Variants in CAMSAP2 observed in about 807,000 individuals in gnomAD.
The protein encoded by CAMSAP2 is calmodulin-regulated spectrin-associated protein 2.
A neutral mutation model predicts 146.1 loss-of-function variants in CAMSAP2; 26 were observed. The observed-to-expected ratio is 0.18, with a 90% CI of 0.13 to 0.25. The LOEUF (loss-of-function observed/expected upper bound fraction) is 0.25, where lower values mean the gene tolerates loss of function less well. Among genes scored for constraint, CAMSAP2 ranks in the 10% least tolerant of loss-of-function variants. The pLI is 1.00. For missense variants in CAMSAP2, 1,381 were observed against 1,759.3 expected (o/e 0.78, Z 3.85); for synonymous variants, 499 against 596.6 (o/e 0.84, Z 2.38).
chr1:200,787,864 C>T (rs567205385), intron 2 of CAMSAP2, among the ~76,000 whole-genome samples: 14 of 152,160 alleles, frequency 9.2e-5, no homozygotes, highest in South Asian at 2.1e-4. Flanking sequence ...AGACCCTCCA[C>T]CATCAAAAAT....
Position 200,857,974 on chromosome 1 carries a change from G to A in CAMSAP2, c.4352G>A (p.Ser1451Asn). The A allele has an allele frequency of 6.2e-7, 1 of 1,613,808 alleles. No individual in the cohort carries two copies. Among genetic ancestry groups the A allele is most frequent in the African/African-American group, 1.3e-5 (1 of 75,050 alleles). ...SHIPAKTLSA[S>N]VDAITIHSHL... is the part of the protein sequence containing the mutation. The stretch of plus-strand genomic sequence containing the variant: ...ATACCCGCTAAAACTTTATCTGCCA[G>A]TGTTGATGCAATTACCATTCATAGC... The change falls in exon 17 of 17, where the codon AGT becomes AAT. Residue 1451 changes from serine (S) to asparagine (N), a missense_variant. This residue lies in a region of CAMSAP2 where 90 missense variants were observed against 174.4 expected (regional missense o/e 0.52). Transcript: ENST00000358823. This position sits in a 1 kb window ranked among gnomAD's most constrained non-coding sequence, Gnocchi z 4.7.
At chr1:200,844,669 A>G (rs1667415331) in intron 7 of CAMSAP2, 113 bp from the exon 8 acceptor site, 1 of 501,836 alleles carries the variant, frequency 2.0e-6, no homozygotes, top group Non-Finnish European at 3.5e-6. Flanking sequence ...ATGATTTCTC[A>G]ATACGTAGAA....
chr1:200,832,765 C>A lies in CAMSAP2; in HGVS notation c.847C>A (p.Gln283Lys), dbSNP rs762578855. The change falls in exon 6 of 17, where the codon CAA becomes AAA. Residue 283 changes from glutamine to lysine, a missense_variant. Gln to Lys is a moderately conservative substitution (Grantham distance 53). Transcript: ENST00000358823. The surrounding 1 kb of genome is among the most constrained non-coding windows in gnomAD (Gnocchi z 4.2). ...TAGCCTGTATAATCTGCAGCTGATT[C>A]AAGAATTTTGCCAAGAATACTTGAA... Reference protein sequence around the residue: ...ADSLYNLQLIQEFCQEYLNQC... With the variant: ...ADSLYNLQLIKEFCQEYLNQC... 3 of 1,611,040 alleles carry A rather than the reference C, an allele frequency of 1.9e-6. No individual in the cohort carries two copies. In the African/African-American group the frequency reaches 4.0e-5, roughly 22 times the overall value.
chr1:200,778,140 A>G (rs973388497), intron 2 of CAMSAP2, among the ~76,000 whole-genome samples: 1 of 152,232 alleles, frequency 6.6e-6, no homozygotes, highest in Non-Finnish European at 1.5e-5. Flanking sequence ...AACTCCACAA[A>G]GAGGGGGCCA....
rs779203569 is a variant in CAMSAP2 at position 200,853,478 on chromosome 1, C to A, written c.3806C>A (p.Pro1269Gln). The A allele has an allele frequency of 3.7e-6, 6 of 1,611,906 alleles. No individual in the cohort carries two copies. In the East Asian group the frequency reaches 8.9e-5, roughly 24 times the overall value. Reference protein sequence around the residue: ...HRDHIESPKTPIKGPPVSSLS... With the variant: ...HRDHIESPKTQIKGPPVSSLS... ...GATCATATTGAATCCCCCAAAACAC[C>A]AATAAAGGGTCCTCCAGGTAACATA... Residue 1269 changes from proline (P) to glutamine (Q), a missense_variant, in exon 13 of 17, where the codon CCA (proline) becomes CAA (glutamine). Pro to Gln is a moderately conservative substitution (Grantham distance 76, BLOSUM62 -1). Around this residue, in one of 4 missense-constraint regions of CAMSAP2, gnomAD observed 560 missense variants for 715.9 expected, o/e 0.78. Coordinates refer to ENST00000358823, the MANE Select transcript of CAMSAP2 (RefSeq NM_203459.4). The surrounding 1 kb of genome is among the most constrained non-coding windows in gnomAD (Gnocchi z 5.1).
intron 8 of CAMSAP2, among the ~76,000 whole-genome samples, chr1:200,845,884 CATATT>C (rs1667449075): frequency 6.6e-6 from 1 of 152,086 alleles, no homozygotes; most frequent in South Asian, 2.1e-4. Flanking sequence ...AATGTCCTAT[CATATT>C]AATACCTAGA....
chr1:200,760,571 G>A (rs1664772822), intron 1 of CAMSAP2, among the ~76,000 whole-genome samples: 1 of 152,154 alleles, frequency 6.6e-6, no homozygotes, highest in Non-Finnish European at 1.5e-5. Flanking sequence ...TTTCCCAAGA[G>A]CCACTAGACT....
chr1:200,760,397 T>C (rs1664767815), intron 1 of CAMSAP2, among the ~76,000 whole-genome samples: 1 of 152,210 alleles, frequency 6.6e-6, no homozygotes, highest in Admixed American at 6.5e-5. Context: ...GCTGTAAAAC[T>C]GGGCAGATGA....
chr1:200,848,031 G>T lies in CAMSAP2; in HGVS notation c.1263-1G>T. 1 of 1,485,084 alleles carries T rather than the reference G, an allele frequency of 6.7e-7. No homozygotes were observed. The highest frequency in any genetic ancestry group is 1.5e-5 in the South Asian group (1 of 66,792). The allele number at this position is 1,485,084 out of a possible 1,614,324, so 92.0% of individuals were successfully genotyped here. On this transcript the variant is annotated splice_acceptor_variant, in intron 10 of 16. Coordinates refer to ENST00000358823, the MANE Select transcript of CAMSAP2 (RefSeq NM_203459.4). LOFTEE classifies it high-confidence loss of function. Reference sequence around the variant, plus strand: ...GATTTTTCTCTTTAACTTTTTTTTAGATCATCAGTGCATGGCGTATCATTT... The same window carrying T: ...GATTTTTCTCTTTAACTTTTTTTTATATCATCAGTGCATGGCGTATCATTT...
In CAMSAP2 at chr1:200,849,546, C is replaced by T; in HGVS notation, c.2777C>T (p.Pro926Leu). 6.2e-7 allele frequency: 1 copy of T among 1,614,180 alleles called. No individual in the cohort carries two copies. The highest frequency in any genetic ancestry group is 8.5e-7 in the Non-Finnish European group (1 of 1,180,032). ...GTGATTTCACCTCCACAACCCTCTCCACAGAAACAGATTCGAGATTTTAAG... is the reference window on the plus strand; with the variant it reads ...GTGATTTCACCTCCACAACCCTCTCTACAGAAACAGATTCGAGATTTTAAG... ...SWVISPPQPS[P>L]QKQIRDFKPS... The change falls in exon 11 of 17, where the codon CCA becomes CTA. Residue 926 changes from proline to leucine, a missense_variant. By Grantham distance (98) the Pro-to-Leu change is moderately conservative (BLOSUM62 -3). This residue lies in a region of CAMSAP2 where 560 missense variants were observed against 715.9 expected (regional missense o/e 0.78). Coordinates refer to ENST00000358823, the MANE Select transcript of CAMSAP2 (RefSeq NM_203459.4). The surrounding 1 kb of genome is among the most constrained non-coding windows in gnomAD (Gnocchi z 6.3).
At chr1:200,850,350 C>A (rs953153869) in intron 11 of CAMSAP2, 116 bp downstream of exon 11, 1 of 831,888 alleles carries the variant, frequency 1.2e-6, no homozygotes, top group Non-Finnish European at 1.8e-6. Flanking sequence ...CCTTTTGATA[C>A]AAGTTCATCC....
At chr1:200,781,363 G>C (rs1489042512) in intron 2 of CAMSAP2, among the ~76,000 whole-genome samples, 2 of 152,124 alleles carry the variant, frequency 1.3e-5, no homozygotes, top group Admixed American at 6.5e-5. Context: ...GTTGAGTGGT[G>C]GTGGACAGGC....
intron 2 of CAMSAP2, among the ~76,000 whole-genome samples, chr1:200,784,170 G>C (rs1325440968): frequency 6.6e-6 from 1 of 152,028 alleles, no homozygotes; most frequent in African/African-American, 2.4e-5. Context: ...ACACAGTCTT[G>C]ACTAATGTAG....
chr1:200,741,840 T>C (rs1664186880), intron 1 of CAMSAP2, among the ~76,000 whole-genome samples: 1 of 152,230 alleles, frequency 6.6e-6, no homozygotes. Flanking sequence ...AGTTGTACGT[T>C]AGAGATTGAT....
chr1:200,807,122 CAAG>C (rs1182897031), intron 2 of CAMSAP2, among the ~76,000 whole-genome samples: 3 of 151,958 alleles, frequency 2.0e-5, no homozygotes, highest in Middle Eastern at 3.2e-3. Flanking sequence ...ATAGGAAAAA[CAAG>C]AAAAGAAGCA....
intron 4 of CAMSAP2, among the ~76,000 whole-genome samples, chr1:200,820,782 A>G (rs965118994): frequency 6.6e-6 from 1 of 152,218 alleles, no homozygotes; most frequent in Non-Finnish European, 1.5e-5. Flanking sequence ...ATTTCAGTAC[A>G]TTAAAGTCCC....
chr1:200,760,836 T>C lies in CAMSAP2; in HGVS notation c.140-3T>C, dbSNP rs753179699. The C allele has an allele frequency of 5.8e-6, 9 of 1,558,222 alleles. No individual in the cohort carries two copies. The highest frequency in any genetic ancestry group is 2.5e-5 in the South Asian group (2 of 78,950). On this transcript the variant is annotated splice_polypyrimidine_tract_variant and splice_region_variant and intron_variant, in intron 1 of 16. Coordinates refer to ENST00000358823, the MANE Select transcript of CAMSAP2 (RefSeq NM_203459.4). ...AGAGAATTTTTTCCATTAATCTTTATAGAAAATGTGCCAGAGGAACTTCAA... is the reference window on the plus strand; with the variant it reads ...AGAGAATTTTTTCCATTAATCTTTACAGAAAATGTGCCAGAGGAACTTCAA...
At chr1:200,803,891 G>A (rs1666100307) in intron 2 of CAMSAP2, among the ~76,000 whole-genome samples, 1 of 151,154 alleles carries the variant, frequency 6.6e-6, no homozygotes, top group Admixed American at 6.6e-5. Flanking sequence ...GTGTGTCTGT[G>A]GTATTCAAAC....
intron 10 of CAMSAP2, 49 bp from the exon 11 acceptor site, chr1:200,847,983 A>T: frequency 1.6e-6 from 2 of 1,250,606 alleles, no homozygotes; most frequent in Non-Finnish European, 2.2e-6. Context: ...TGATACTAAA[A>T]ATCATTTCTA....
Sources: allele counts gnomAD v4.1 joint callset (sites outside exome capture counted in the v4.1 genomes callset), GRCh38; gene constraint gnomAD v4.1.1; regional missense constraint gnomAD v4.1.1; non-coding constraint Gnocchi (gnomAD v3.1); transcripts MANE v1.5; gene names NCBI Gene and HGNC (gene_info 2026-07-23, HGNC 2026-07-21).